The following CNOT2 variants were observed in gnomAD, a reference collection of about 807,000 sequenced individuals.
CNOT2 encodes the protein CCR4-NOT transcription complex subunit 2.
Under a neutral mutation model 72.1 loss-of-function variants are expected in CNOT2, and 7 were observed. That is an observed-to-expected ratio of 0.10 (90% CI 0.06 to 0.18). CNOT2 has a LOEUF of 0.18. CNOT2 is among the 10% of genes least tolerant of loss of function. CNOT2 has a pLI of 1.00. For missense variants in CNOT2, 345 were observed against 660.3 expected, an observed-to-expected ratio of 0.52 and a Z score of 5.23; for synonymous variants, 196 against 225.6, an observed-to-expected ratio of 0.87 and a Z score of 1.17.
At chr12:70,246,856 G>C (rs1007433001) in intron 1 of CNOT2, among the ~76,000 whole-genome samples, 1 of 152,110 alleles carries the variant, frequency 6.6e-6, no homozygotes, top group Non-Finnish European at 1.5e-5. Flanking sequence ...TTTGTACTGT[G>C]TTTTCTGAGA....
chr12:70,339,654 C>T (rs953322336), intron 11 of CNOT2, among the ~76,000 whole-genome samples: 2 of 152,160 alleles, frequency 1.3e-5, no homozygotes, highest in African/African-American at 2.4e-5. Context: ...GCTCTTAATT[C>T]TACCAGTGAT....
intron 1 of CNOT2, among the ~76,000 whole-genome samples, chr12:70,247,583 C>T (rs971118752): frequency 6.6e-6 from 1 of 152,306 alleles, no homozygotes; most frequent in East Asian, 1.9e-4. Flanking sequence ...TTTGGTATCA[C>T]TTTCTTCATA....
intron 2 of CNOT2, among the ~76,000 whole-genome samples, chr12:70,284,933 G>C (rs1011492180): frequency 1.3e-5 from 2 of 152,122 alleles, no homozygotes; most frequent in African/African-American, 4.8e-5. Flanking sequence ...ATGATTATCT[G>C]ATAGATATTG....
At chr12:70,301,779 A>G (rs1343734499) in intron 2 of CNOT2, 3 of 152,222 alleles carry the variant, frequency 2.0e-5, no homozygotes, top group Non-Finnish European at 4.4e-5. Flanking sequence ...TTATTGGAAT[A>G]GTTTCAGAAG....
At chr12:70,247,436 A>G (rs12321303) in intron 1 of CNOT2, among the ~76,000 whole-genome samples, 28,451 of 152,102 alleles carry the variant, frequency 0.19, 3,078 homozygotes, top group Admixed American at 0.33. Flanking sequence ...GATTACAGGC[A>G]TGAGCCACCA....
chr12:70,319,058 G>T (rs1469029946), intron 3 of CNOT2: 11 of 319,840 alleles, frequency 3.4e-5, no homozygotes, highest in Non-Finnish European at 5.7e-5. Flanking sequence ...AAGTTAGTGT[G>T]ACTTTTAGAA....
At chr12:70,321,088 A>G (rs892303314) in intron 4 of CNOT2, among the ~76,000 whole-genome samples, 10 of 151,902 alleles carry the variant, frequency 6.6e-5, no homozygotes, top group African/African-American at 1.9e-4. Context: ...ATGTATGGCA[A>G]ACATTTTCCA....
intron 3 of CNOT2, 61 bp downstream of exon 3, chr12:70,311,078 A>C: frequency 1.6e-6 from 2 of 1,216,302 alleles, no homozygotes; most frequent in East Asian, 4.7e-5. Flanking sequence ...GGGTTCCTGA[A>C]AAACAGCATA....
chr12:70,317,154 A>C (rs1266027194), intron 3 of CNOT2, among the ~76,000 whole-genome samples: 1 of 152,112 alleles, frequency 6.6e-6, no homozygotes, highest in East Asian at 1.9e-4. Flanking sequence ...TTGTATTACT[A>C]TTAGGAAAAC....
At chr12:70,249,182 C>A (rs917995013) in intron 1 of CNOT2, among the ~76,000 whole-genome samples, 4 of 151,808 alleles carry the variant, frequency 2.6e-5, no homozygotes, top group African/African-American at 9.7e-5. Flanking sequence ...GTATTACTTT[C>A]TACATTGTAA....
chr12:70,252,721 C>T (rs1958207255), intron 1 of CNOT2, among the ~76,000 whole-genome samples: 1 of 152,056 alleles, frequency 6.6e-6, no homozygotes, highest in African/African-American at 2.4e-5. Flanking sequence ...GGCTAGGTGA[C>T]TTATTCTCCC....
At chr12:70,286,678 C>A (rs1415312644) in intron 2 of CNOT2, among the ~76,000 whole-genome samples, 1 of 149,794 alleles carries the variant, frequency 6.7e-6, no homozygotes, top group Non-Finnish European at 1.5e-5. Flanking sequence ...GTCTGTCAAC[C>A]TTTTTCTTCA....
intron 15 of CNOT2, among the ~76,000 whole-genome samples, chr12:70,351,405 C>G (rs1882847659): frequency 6.6e-6 from 1 of 152,048 alleles, no homozygotes; most frequent in Non-Finnish European, 1.5e-5. Flanking sequence ...ATCAAAGTAA[C>G]TTATGTATTT....
intron 1 of CNOT2, among the ~76,000 whole-genome samples, chr12:70,266,977 TCA>T (rs869235263): frequency 6.8e-6 from 1 of 147,410 alleles, no homozygotes; most frequent in Non-Finnish European, 1.5e-5. Flanking sequence ...GCTTTTTCAC[TCA>T]TGTGATTGAT....
chr12:70,334,817 T>G (rs1880446089), intron 7 of CNOT2: 1 of 152,092 alleles, frequency 6.6e-6, no homozygotes, highest in South Asian at 2.1e-4. Context: ...GGGCTTTGTA[T>G]CATATTTCTA....
At chr12:70,259,315 A>AT (rs80241650) in intron 1 of CNOT2, among the ~76,000 whole-genome samples, 39,577 of 150,780 alleles carry the variant, frequency 0.26, 6,238 homozygotes, top group East Asian at 0.68. Context: ...TGCAGGGCTT[A>AT]TTTTTTTTTA....
intron 2 of CNOT2, among the ~76,000 whole-genome samples, chr12:70,289,628 T>C (rs1298892995): frequency 6.6e-6 from 1 of 152,192 alleles, no homozygotes; most frequent in Non-Finnish European, 1.5e-5. Context: ...CATTTTTTTC[T>C]TTCTTTTTTT....
At chr12:70,335,413 A>C (rs1279267079) in intron 7 of CNOT2, 25 bp from the exon 8 acceptor site, 15 of 1,530,010 alleles carry the variant, frequency 9.8e-6, no homozygotes, top group African/African-American at 1.4e-5. Context: ...AGAATCAATA[A>C]CCAGTGTCCT....
Position 70,351,541 on chromosome 12 carries a change from C to T in CNOT2, c.1537-2288C>T, listed in dbSNP as rs190338400. ...TAAATCTCTATATCAAAATTATTTA[C>T]GCTGCTTAGGTTTAAACTATATTTT... is the stretch of plus-strand genomic sequence containing the variant. On this transcript the variant is annotated intron_variant, in intron 15 of 15. Coordinates refer to ENST00000229195, the MANE Select transcript of CNOT2 (RefSeq NM_014515.7). Among the ~76,000 whole-genome samples, 14 of 152,258 alleles carry T rather than the reference C, an allele frequency of 9.2e-5. No individual in the cohort carries two copies. In the East Asian group the frequency reaches 1.5e-3, roughly 17 times the overall value.
Sources: gnomAD v4.1 joint callset for allele counts (sites outside exome capture counted in the v4.1 genomes callset) on GRCh38, gnomAD v4.1.1 for gene constraint, MANE v1.5 for transcripts, NCBI Gene and HGNC (gene_info 2026-07-23, HGNC 2026-07-21) for gene names.